EFCAB5: variants seen among roughly 807,000 people sequenced by gnomAD.
EFCAB5 encodes the protein EF-hand calcium-binding domain-containing protein 5.
EFCAB5 carries 131 observed loss-of-function variants against 167.9 expected under a neutral mutation model. That is an observed-to-expected ratio of 0.78 (90% CI 0.68 to 0.90). The LOEUF is 0.90. EFCAB5 is among the 40% of genes least tolerant of loss of function. EFCAB5 has a pLI of 0.00. For missense variants in EFCAB5, 1,663 were observed against 1,745.2 expected (o/e 0.95, Z 0.84); for synonymous variants, 574 against 602.8 (o/e 0.95, Z 0.70).
chr17:30,087,033 C>T, intron 18 of EFCAB5, 30 bp from the exon 19 acceptor site: 8 of 1,597,228 alleles, frequency 5.0e-6, no homozygotes, highest in South Asian at 2.2e-5. Context: ...GGTCTAATTA[C>T]TCCTAATGAA....
upstream of EFCAB5, among the ~76,000 whole-genome samples, chr17:29,937,795 A>C (rs2067258239): frequency 6.6e-6 from 1 of 152,218 alleles, no homozygotes; most frequent in Admixed American, 6.5e-5. Flanking sequence ...AACTTGAGTT[A>C]AGACTCCATC....
At chr17:29,979,826 G>A (rs555260496) in intron 4 of EFCAB5, among the ~76,000 whole-genome samples, 20 of 152,238 alleles carry the variant, frequency 1.3e-4, no homozygotes, top group African/African-American at 4.8e-4. Context: ...TGAGCACAAT[G>A]CCTGGCATGA....
At position 30,083,012 on chromosome 17, in the gene EFCAB5, C is replaced by G. The variant is rs1567767404; in HGVS notation, c.3548C>G (p.Thr1183Ser). Residue 1183 changes from threonine to serine, a missense_variant, in exon 18 of 23, where the codon ACT becomes AGT. Transcript: ENST00000394835. Reference sequence around the variant, plus strand: ...GTCACATCCAGCATCACCTCCATCACTACGTACTTTGTAGAGCCTAGCCCA... The same window carrying G: ...GTCACATCCAGCATCACCTCCATCAGTACGTACTTTGTAGAGCCTAGCCCA... ...YDVTSSITSI[T>S]TYFVEPSPAQ... 1 of 1,614,004 alleles carries G rather than the reference C, an allele frequency of 6.2e-7. No homozygotes were observed. Among genetic ancestry groups the G allele is most frequent in the Non-Finnish European group, 8.5e-7 (1 of 1,179,880 alleles).
At chr17:30,103,737 G>A (rs1000646402) in intron 22 of EFCAB5, among the ~76,000 whole-genome samples, 2 of 152,046 alleles carry the variant, frequency 1.3e-5, no homozygotes, top group Non-Finnish European at 2.9e-5. Flanking sequence ...ATATATGACC[G>A]GGCGCAGTGG....
intron 8 of EFCAB5, among the ~76,000 whole-genome samples, chr17:30,036,561 C>T (rs1237640986): frequency 6.6e-6 from 1 of 151,474 alleles, no homozygotes; most frequent in Non-Finnish European, 1.5e-5. Context: ...TCCCAAATAG[C>T]TAAGACTACA....
intron 21 of EFCAB5, 97 bp downstream of exon 21, chr17:30,092,254 T>G: frequency 7.6e-7 from 1 of 1,307,528 alleles, no homozygotes; most frequent in Non-Finnish European, 1.0e-6. Flanking sequence ...AGGGTACAAA[T>G]GCAAGAATTT....
chr17:30,072,164 C>G (rs375785119), intron 14 of EFCAB5, among the ~76,000 whole-genome samples: 11 of 152,020 alleles, frequency 7.2e-5, no homozygotes, highest in African/African-American at 2.7e-4. Context: ...GTTCCCAACA[C>G]AAAGAAGTGA....
At chr17:30,104,405 A>G (rs2071419605) in intron 22 of EFCAB5, among the ~76,000 whole-genome samples, 1 of 152,216 alleles carries the variant, frequency 6.6e-6, no homozygotes, top group Non-Finnish European at 1.5e-5. Flanking sequence ...TGAATTCACT[A>G]TGTAATTAAA....
intron 4 of EFCAB5, among the ~76,000 whole-genome samples, chr17:29,990,753 G>A (rs2068397872): frequency 6.6e-6 from 1 of 152,130 alleles, no homozygotes; most frequent in African/African-American, 2.4e-5. Context: ...TCCTAACAGA[G>A]AACTGCCAGG....
chr17:29,985,882 G>C (rs1015560303), intron 4 of EFCAB5, among the ~76,000 whole-genome samples: 6 of 152,146 alleles, frequency 3.9e-5, no homozygotes, highest in Non-Finnish European at 8.8e-5. Context: ...TTGGGGTCCT[G>C]TTCCCAACAT....
chr17:29,961,438 T>C (rs1486766916), intron 3 of EFCAB5, among the ~76,000 whole-genome samples: 10 of 152,218 alleles, frequency 6.6e-5, no homozygotes, highest in East Asian at 1.9e-4. Context: ...AATTCTTTGA[T>C]GTACAAAAGT....
chr17:30,053,881 G>A lies in EFCAB5; in HGVS notation c.1927G>A (p.Val643Ile), dbSNP rs373461188. 1 of 1,614,044 alleles carries A rather than the reference G, an allele frequency of 6.2e-7. No homozygotes were observed. The highest frequency in any genetic ancestry group is 8.5e-7 in the Non-Finnish European group (1 of 1,179,892). ...AGAACAGGGATCACTCAGAGAGTCA[G>A]TAATAGAAGAACCATACCAAAAATC... ...AAEQGSLRES[V>I]IEEPYQKSEQ... Residue 643 changes from valine (V) to isoleucine (I), a missense_variant, in exon 10 of 23, where the codon GTA becomes ATA. By Grantham distance (29) the Val-to-Ile change is conservative. Coordinates refer to ENST00000394835, the MANE Select transcript of EFCAB5 (RefSeq NM_198529.4).
At chr17:30,041,103 T>C (rs2069757717) in intron 8 of EFCAB5, among the ~76,000 whole-genome samples, 1 of 152,154 alleles carries the variant, frequency 6.6e-6, no homozygotes, top group African/African-American at 2.4e-5. Flanking sequence ...TTTGTTTAGG[T>C]GTTCTCTTGC....
In EFCAB5 at chr17:30,080,976, T is replaced by C. The variant is rs2070977774; in HGVS notation, c.3421T>C (p.Tyr1141His). The change falls in exon 17 of 23, where the codon TAT (tyrosine) becomes CAT (histidine). Residue 1141 changes from tyrosine to histidine, a missense_variant. Transcript: ENST00000394835. ...NIFLPHEIRFYQGVANVFSTA... is the reference protein window; with the variant it reads ...NIFLPHEIRFHQGVANVFSTA... The stretch of plus-strand genomic sequence containing the variant: ...CTTTCTACCTCATGAGATCAGATTC[T>C]ATCAGGTAAGTCATAGAAGTCTTCA... 1 of 1,611,702 alleles carries C rather than the reference T, an allele frequency of 6.2e-7. No individual in the cohort carries two copies. The highest frequency in any genetic ancestry group is 8.5e-7 in the Non-Finnish European group (1 of 1,179,220).
intron 4 of EFCAB5, among the ~76,000 whole-genome samples, chr17:29,986,636 C>CTTTTTTTTT (rs1196821046): frequency 2.6e-4 from 23 of 87,946 alleles, no homozygotes; most frequent in African/African-American, 5.5e-4. Flanking sequence ...GGAGTATATT[C>CTTTTTTTTT]ATTTTTTTTT....
At chr17:30,013,647 T>C (rs1404974319) in intron 7 of EFCAB5, among the ~76,000 whole-genome samples, 30 of 152,354 alleles carry the variant, frequency 2.0e-4, no homozygotes, top group Non-Finnish European at 8.8e-5. Context: ...TCAGTGGTGA[T>C]ATCCCCTTTA....
upstream of EFCAB5, among the ~76,000 whole-genome samples, chr17:29,937,884 C>T (rs1291062478): frequency 1.3e-5 from 2 of 152,158 alleles, no homozygotes; most frequent in Non-Finnish European, 2.9e-5. Context: ...AGTTTAGAAT[C>T]AGTGTTTAGA....
chr17:30,039,900 C>T (rs1054594034), intron 8 of EFCAB5, among the ~76,000 whole-genome samples: 1 of 152,230 alleles, frequency 6.6e-6, no homozygotes, highest in African/African-American at 2.4e-5. Context: ...AATCAAGCCA[C>T]ACCTCACCTC....
chr17:30,073,763 C>T, intron 14 of EFCAB5: 1 of 651,908 alleles, frequency 1.5e-6, no homozygotes, highest in East Asian at 2.8e-5. Context: ...TCCCATACTC[C>T]TATCAAGATA....
Sources: gnomAD v4.1 joint callset for allele counts (sites outside exome capture counted in the v4.1 genomes callset) on GRCh38, gnomAD v4.1.1 for gene constraint, MANE v1.5 for transcripts, NCBI Gene and HGNC (gene_info 2026-07-23, HGNC 2026-07-21) for gene names.